SLC9A6: variants seen among roughly 807,000 people sequenced by gnomAD.
The protein encoded by SLC9A6 is sodium/hydrogen exchanger 6.
SLC9A6 carries 6 observed loss-of-function variants against 45.3 expected under a neutral mutation model. The observed-to-expected ratio is 0.13, with a 90% CI of 0.07 to 0.26. The LOEUF (loss-of-function observed/expected upper bound fraction) is 0.26. Ranked by LOEUF, SLC9A6 falls within the 10% of genes least tolerant of loss-of-function variation. The pLI, the probability that SLC9A6 is intolerant of heterozygous loss-of-function variation, is 1.00. For synonymous variants in SLC9A6, 191 were observed against 187.7 expected, an observed-to-expected ratio of 1.02 and a Z score of -0.14; for missense variants, 278 against 503.7, an observed-to-expected ratio of 0.55 and a Z score of 4.29.
At chrX:136,001,801 C>T (rs782522241) in intron 6 of SLC9A6, among the ~76,000 whole-genome samples, 1 of 112,123 alleles carries the variant, frequency 8.9e-6, no homozygotes, top group South Asian at 3.6e-4. Context: ...TGAATATATT[C>T]TTTGTGGGAA....
At chrX:136,022,789 ATATAATACTCCTT>A in intron 12 of SLC9A6, 92 bp downstream of exon 12, 1 of 466,158 alleles carries the variant, frequency 2.1e-6, no homozygotes, top group Non-Finnish European at 3.9e-6. Context: ...TATGCTGGTC[ATATAATACTCCTT>A]TATTTTTATA....
rs2071295589 is a variant in SLC9A6 at position 136,030,182 on chromosome X, G to T, written c.1581+20G>T. 1 of 1,197,854 alleles carries T rather than the reference G, an allele frequency of 8.3e-7. No homozygotes were observed. The highest frequency in any genetic ancestry group is 2.2e-5 in the Admixed American group (1 of 46,049). ...CACTTGGTAAATATGCGTTTTTGTTGTTCCTGGCATTTCTGTCAAATGTGC... is the reference window on the plus strand; with the variant it reads ...CACTTGGTAAATATGCGTTTTTGTTTTTCCTGGCATTTCTGTCAAATGTGC... On this transcript the variant is annotated intron_variant, in intron 15 of 17. Coordinates refer to ENST00000630721, the MANE Select transcript of SLC9A6 (RefSeq NM_001379110.1).
At chrX:136,040,987 GGCGT>G (rs2071498070) in intron 17 of SLC9A6, among the ~76,000 whole-genome samples, 1 of 110,875 alleles carries the variant, frequency 9.0e-6, no homozygotes, top group South Asian at 3.9e-4. Context: ...TGGGCACAGT[GGCGT>G]GCACCTGTAA....
intron 2 of SLC9A6, among the ~76,000 whole-genome samples, chrX:135,992,047 A>G (rs1267262306): frequency 8.9e-6 from 1 of 111,771 alleles, no homozygotes; most frequent in African/African-American, 3.3e-5. Flanking sequence ...CACATACTCA[A>G]CTATGCGTGT....
At chrX:136,015,266 A>T (rs2070998416) in intron 10 of SLC9A6, among the ~76,000 whole-genome samples, 1 of 112,874 alleles carries the variant, frequency 8.9e-6, no homozygotes, top group South Asian at 3.6e-4. Context: ...CCCATTTTTT[A>T]AAATATATAG....
intron 7 of SLC9A6, among the ~76,000 whole-genome samples, chrX:136,005,186 T>A (rs1556617811): frequency 1.8e-5 from 2 of 112,659 alleles, no homozygotes; most frequent in African/African-American, 6.4e-5. Flanking sequence ...ATTGCCTGTT[T>A]CCTGCATCTT....
rs1556618512 is a variant in SLC9A6, at chrX:136,010,541, A to G, written c.843A>G (p.Gly281=). The change falls in exon 8 of 18, where the codon GGA becomes GGG. Residue 281 remains glycine, a synonymous_variant. Coordinates refer to ENST00000630721, the MANE Select transcript of SLC9A6 (RefSeq NM_001379110.1). ...GGATCTTCCTTGGAATCTTCAGTGG[A>G]TCTTTTGCAATGGGTGCTGCTACTG... ...SIGIFLGIFS[G]SFAMGAATGV... 2 of 1,210,184 alleles carry G rather than the reference A, an allele frequency of 1.7e-6. No individual in the cohort carries two copies. The highest frequency in any genetic ancestry group is 3.5e-5 in the South Asian group (2 of 56,968).
chrX:136,017,344 G>A (rs1556619403), intron 11 of SLC9A6, among the ~76,000 whole-genome samples: 1 of 109,573 alleles, frequency 9.1e-6, no homozygotes, highest in Non-Finnish European at 1.9e-5. Context: ...CTTGAGCCTA[G>A]GAGTTTGAGG....
chrX:135,986,421 T>A (rs1458635871), intron 2 of SLC9A6, among the ~76,000 whole-genome samples: 1 of 110,881 alleles, frequency 9.0e-6, no homozygotes, highest in Non-Finnish European at 1.9e-5. Flanking sequence ...CTTAGGGCAT[T>A]TTTAATGACA....
chrX:135,992,292 G>A (rs952308), intron 2 of SLC9A6, among the ~76,000 whole-genome samples: 1 of 110,336 alleles, frequency 9.1e-6, no homozygotes, highest in Non-Finnish European at 1.9e-5. Context: ...AATCCTTCTC[G>A]CCTCCTGTCA....
At chrX:136,044,415 C>T (rs782768830) in intron 17 of SLC9A6, 37 bp from the exon 18 acceptor site, 1 of 1,166,003 alleles carries the variant, frequency 8.6e-7, no homozygotes, top group Non-Finnish European at 1.2e-6. Flanking sequence ...TCTTGAACTT[C>T]TCAAAAATTC....
In SLC9A6 at chrX:135,994,938, A is replaced by G. The variant is rs999469096; in HGVS notation, c.322A>G (p.Ser108Gly). ...FYEYMLKGEISSHELNNVQDN... is the reference protein window; with the variant it reads ...FYEYMLKGEIGSHELNNVQDN... ...TGAGTATATGCTGAAAGGAGAGATT[A>G]GTTCACATGAACTCAATAATGTTCA... is the stretch of plus-strand genomic sequence containing the variant. Residue 108 changes from serine to glycine, a missense_variant, in exon 3 of 18, where the codon AGT (serine) becomes GGT (glycine). Physicochemically the swap from Ser to Gly is moderately conservative, Grantham distance 56 (BLOSUM62 0). Coordinates refer to ENST00000630721, the MANE Select transcript of SLC9A6 (RefSeq NM_001379110.1). The G allele has an allele frequency of 2.5e-6, 3 of 1,202,032 alleles. No individual in the cohort carries two copies. Among genetic ancestry groups the G allele is most frequent in the Non-Finnish European group, 2.3e-6 (2 of 886,473 alleles).
intron 2 of SLC9A6, among the ~76,000 whole-genome samples, chrX:135,988,268 T>C (rs1195226091): frequency 8.9e-6 from 1 of 111,891 alleles, no homozygotes; most frequent in East Asian, 2.8e-4. Context: ...AGTGTTAGTC[T>C]GGGAGTCAAA....
intron 8 of SLC9A6, among the ~76,000 whole-genome samples, chrX:136,011,193 A>G (rs1386385639): frequency 8.9e-6 from 1 of 112,028 alleles, no homozygotes; most frequent in African/African-American, 3.2e-5. Context: ...ATGTCATAAA[A>G]CTGCACTTGT....
At chrX:136,035,076 G>A (rs1415285167) in intron 16 of SLC9A6, among the ~76,000 whole-genome samples, 1 of 111,667 alleles carries the variant, frequency 9.0e-6, no homozygotes. Context: ...AAACACCAAG[G>A]CTTGTTTGAC....
chrX:136,039,279 G>A (rs2071465506), intron 16 of SLC9A6, among the ~76,000 whole-genome samples: 1 of 106,732 alleles, frequency 9.4e-6, no homozygotes, highest in Admixed American at 1.0e-4. Flanking sequence ...TAGCCTGGGT[G>A]ACAGAGCGAC....
chrX:136,027,996 C>T (rs1345538154), intron 13 of SLC9A6, among the ~76,000 whole-genome samples: 1 of 112,252 alleles, frequency 8.9e-6, no homozygotes, highest in Non-Finnish European at 1.9e-5. Flanking sequence ...ACTGTTCCCT[C>T]TGCCTGGAAT....
chrX:136,008,751 T>G (rs1275561800), intron 7 of SLC9A6, among the ~76,000 whole-genome samples: 1 of 111,590 alleles, frequency 9.0e-6, no homozygotes, highest in African/African-American at 3.3e-5. Context: ...CTTTCAGGGT[T>G]TAAAAAAAAG....
intron 10 of SLC9A6, among the ~76,000 whole-genome samples, chrX:136,013,888 A>C (rs1206996305): frequency 8.9e-6 from 1 of 112,390 alleles, no homozygotes; most frequent in Non-Finnish European, 1.9e-5. Context: ...AGGTAAGATT[A>C]GCTTCTGATC....
Sources: gnomAD v4.1 joint callset for allele counts (sites outside exome capture counted in the v4.1 genomes callset) on GRCh38, gnomAD v4.1.1 for gene constraint, MANE v1.5 for transcripts, NCBI Gene and HGNC (gene_info 2026-07-23, HGNC 2026-07-21) for gene names.